The following EDA variants were observed in gnomAD, a reference collection of about 807,000 sequenced individuals.
EDA encodes ectodysplasin A.
In EDA, 2 loss-of-function variants were observed where a neutral mutation model predicts 23.6. That is an observed-to-expected ratio of 0.08 (90% CI 0.03 to 0.27). The LOEUF (loss-of-function observed/expected upper bound fraction) is 0.27. Among genes scored for constraint, EDA ranks in the 10% least tolerant of loss-of-function variants. The pLI is 1.00. For missense variants in EDA, 229 were observed against 324.2 expected (o/e 0.71, Z 2.26); for synonymous variants, 131 against 132.0 (o/e 0.99, Z 0.05).
chrX:69,659,567 G>A (rs1340655988), intron 1 of EDA, among the ~76,000 whole-genome samples: 1 of 111,654 alleles, frequency 9.0e-6, no homozygotes, highest in East Asian at 2.8e-4. Flanking sequence ...CTACAAAATG[G>A]ACACAAATAT....
At chrX:70,035,084 T>C (rs1442177749) in intron 7 of EDA, among the ~76,000 whole-genome samples, 1 of 111,508 alleles carries the variant, frequency 9.0e-6, no homozygotes, top group Non-Finnish European at 1.9e-5. Context: ...AAGCTGCAAA[T>C]AGGGCATGGT....
At chrX:69,937,555 A>G in intron 1 of EDA, 10 of 1,110,326 alleles carry the variant, frequency 9.0e-6, no homozygotes, top group Non-Finnish European at 1.2e-5. Flanking sequence ...CTGTGAAATG[A>G]CAACCATTTG....
chrX:69,708,517 C>T (rs2011829596), intron 1 of EDA, among the ~76,000 whole-genome samples: 1 of 111,234 alleles, frequency 9.0e-6, no homozygotes, highest in African/African-American at 3.3e-5. Context: ...GGGGCTATAA[C>T]AGTGATTAGA....
chrX:69,935,110 A>G (rs1237591266), intron 1 of EDA, among the ~76,000 whole-genome samples: 1 of 111,852 alleles, frequency 8.9e-6, no homozygotes, highest in Non-Finnish European at 1.9e-5. Flanking sequence ...TGTTGTTGCA[A>G]ATGACAGTAT....
At chrX:70,001,500 T>C (rs1489713908) in intron 2 of EDA, among the ~76,000 whole-genome samples, 1 of 111,846 alleles carries the variant, frequency 8.9e-6, no homozygotes, top group Non-Finnish European at 1.9e-5. Flanking sequence ...TGCCAGCCAT[T>C]TGGGCCCCTT....
intron 2 of EDA, among the ~76,000 whole-genome samples, chrX:69,960,658 CA>C (rs567060892): frequency 2.1e-4 from 22 of 102,467 alleles, no homozygotes; most frequent in African/African-American, 3.2e-4. Context: ...GAGTTATGGC[CA>C]AAAAAAAAAT....
intron 1 of EDA, among the ~76,000 whole-genome samples, chrX:69,853,752 C>T (rs2017183585): frequency 8.9e-6 from 1 of 112,385 alleles, no homozygotes; most frequent in African/African-American, 3.2e-5. Context: ...TAGTCAATGA[C>T]AGTAGTCAGC....
chrX:69,689,625 G>A (rs753665378), intron 1 of EDA, among the ~76,000 whole-genome samples: 4 of 99,385 alleles, frequency 4.0e-5, no homozygotes, highest in Non-Finnish European at 6.6e-5. Context: ...GTGAGCCACC[G>A]CGCCCGGCCC....
chrX:69,642,478 TTA>T (rs758171393), intron 1 of EDA, among the ~76,000 whole-genome samples: 6 of 110,775 alleles, frequency 5.4e-5, no homozygotes, highest in East Asian at 2.9e-4. Flanking sequence ...CATAGCGTAT[TTA>T]TATGTTTTAT....
At chrX:69,694,529 A>G (rs769137935) in intron 1 of EDA, among the ~76,000 whole-genome samples, 32 of 112,192 alleles carry the variant, frequency 2.9e-4, no homozygotes, top group African/African-American at 9.4e-4. Flanking sequence ...AGTCCTTTCC[A>G]TGAATCTCCT....
chrX:69,889,023 A>C, intron 1 of EDA, among the ~76,000 whole-genome samples: 1 of 24,258 alleles, frequency 4.1e-5, no homozygotes, highest in South Asian at 1.9e-3. Context: ...TATATATATT[A>C]TGTTTTTCCA....
At chrX:69,669,079 A>G (rs1933789353) in intron 1 of EDA, among the ~76,000 whole-genome samples, 1 of 112,004 alleles carries the variant, frequency 8.9e-6, no homozygotes, top group African/African-American at 3.2e-5. Context: ...AGATATAAAG[A>G]TATAAGCACA....
intron 1 of EDA, among the ~76,000 whole-genome samples, chrX:69,698,250 G>T (rs2011422363): frequency 9.0e-6 from 1 of 111,612 alleles, no homozygotes; most frequent in African/African-American, 3.3e-5. Context: ...TTAATGTTTT[G>T]GAGGAAGGAG....
intron 2 of EDA, among the ~76,000 whole-genome samples, chrX:70,004,259 A>C (rs745817794): frequency 6.2e-5 from 7 of 112,003 alleles, no homozygotes; most frequent in Middle Eastern, 4.2e-3. Flanking sequence ...GTGGAGCCTG[A>C]AGCCCCAGAG....
rs766093707 is a variant in EDA, at chrX:69,846,938, G to A, written c.397-110089G>A. Among the ~76,000 whole-genome samples the A allele has an allele frequency of 7.2e-5, 8 of 111,673 alleles. No individual in the cohort carries two copies. In the South Asian group the frequency reaches 2.3e-3, roughly 32 times the overall value. The stretch of plus-strand genomic sequence containing the variant: ...TCCCTCATACCTAATAAACCTTACT[G>A]CAAAATTGAAGGAAGAGAGCAGAAA... On this transcript the variant is annotated intron_variant, in intron 1 of 7. Transcript: ENST00000374552.
intron 1 of EDA, among the ~76,000 whole-genome samples, chrX:69,772,569 G>T (rs1301598439): frequency 1.8e-5 from 2 of 111,369 alleles, no homozygotes; most frequent in Non-Finnish European, 3.8e-5. Context: ...GAGGACTGGG[G>T]TATGATTGAT....
chrX:69,959,128 C>G lies in EDA; in HGVS notation c.502+1996C>G, dbSNP rs1010691092. ...TTAGAATGTTTATTCTGTCCTAATA[C>G]AAAACAGTTTTCTCTCTGGTCAAGG... On this transcript the variant is annotated intron_variant, in intron 2 of 7. Transcript: ENST00000374552. 8.9e-5 allele frequency among the ~76,000 whole-genome samples: 10 copies of G among 112,185 alleles called. No individual in the cohort carries two copies. The Admixed American group carries it at 9.5e-4, about 11-fold the overall frequency.
intron 1 of EDA, among the ~76,000 whole-genome samples, chrX:69,854,978 CT>C (rs761345804): frequency 0.06 from 6,656 of 110,985 alleles, 205 homozygotes; most frequent in Non-Finnish European, 0.088. Flanking sequence ...TATTTTTTTA[CT>C]TTTTTACTTT....
At position 70,038,156 on chromosome X, in the gene EDA, G is replaced by C. The variant is rs908718672; in HGVS notation, c.*2547G>C. 4.5e-5 allele frequency: 5 copies of C among 111,104 alleles called. No homozygotes were observed. The highest frequency in any genetic ancestry group is 1.6e-4 in the African/African-American group (5 of 30,482). 9.2% of individuals were successfully genotyped at this position (111,104 alleles called of 1,213,427 possible). Reference sequence around the variant, plus strand: ...TTCTGAGGCCAGAAAGGTGTGAGGAGAGAGGAGGAAAAGTCTTCCTAATTG... The same window carrying C: ...TTCTGAGGCCAGAAAGGTGTGAGGACAGAGGAGGAAAAGTCTTCCTAATTG... On this transcript the variant is annotated 3_prime_UTR_variant, in exon 8 of 8. Coordinates refer to ENST00000374552, the MANE Select transcript of EDA (RefSeq NM_001399.5).
Sources: gnomAD v4.1 joint callset for allele counts (sites outside exome capture counted in the v4.1 genomes callset) on GRCh38, gnomAD v4.1.1 for gene constraint, MANE v1.5 for transcripts, NCBI Gene and HGNC (gene_info 2026-07-23, HGNC 2026-07-21) for gene names.